Variants in WDR7 observed in about 807,000 individuals in gnomAD.
WDR7 encodes WD repeat domain 7.
In WDR7, 46 loss-of-function variants were observed where a neutral mutation model predicts 169.4. The observed-to-expected ratio is 0.27, with a 90% CI of 0.21 to 0.35. The LOEUF is 0.35. Among genes scored for constraint, WDR7 ranks in the 10% least tolerant of loss-of-function variants. The pLI is 1.00. For synonymous variants in WDR7, 612 were observed against 666.8 expected (o/e 0.92, Z 1.27); for missense variants, 1,534 against 1,859.3 (o/e 0.83, Z 3.22).
intron 26 of WDR7, among the ~76,000 whole-genome samples, chr18:57,001,215 T>C (rs565402217): frequency 1.3e-4 from 20 of 152,156 alleles, no homozygotes; most frequent in Non-Finnish European, 2.4e-4. Flanking sequence ...AATATGTATA[T>C]ATCACTTGTG....
chr18:56,849,919 A>G (rs902423730), intron 20 of WDR7, among the ~76,000 whole-genome samples: 2 of 152,112 alleles, frequency 1.3e-5, no homozygotes, highest in Non-Finnish European at 2.9e-5. Flanking sequence ...ACTTGCTACT[A>G]TTGACGACAT....
intron 13 of WDR7, among the ~76,000 whole-genome samples, chr18:56,725,281 T>A (rs2026420985): frequency 1.3e-5 from 2 of 150,802 alleles, no homozygotes; most frequent in South Asian, 4.1e-4. Flanking sequence ...AGTGTAAAAG[T>A]GTTCCTATTT....
intron 25 of WDR7, among the ~76,000 whole-genome samples, chr18:56,939,623 A>G (rs1338910599): frequency 6.6e-6 from 1 of 152,152 alleles, no homozygotes; most frequent in African/African-American, 2.4e-5. Flanking sequence ...CTTAGAAAAA[A>G]TGAGTAAGAG....
At chr18:56,678,435 G>A (rs1026751180) in intron 2 of WDR7, among the ~76,000 whole-genome samples, 10 of 152,048 alleles carry the variant, frequency 6.6e-5, no homozygotes, top group African/African-American at 2.4e-4. Flanking sequence ...TTCCAGATAT[G>A]CGAAAGGACT....
chr18:56,883,426 CTG>C (rs934874747), intron 21 of WDR7, among the ~76,000 whole-genome samples: 124 of 151,036 alleles, frequency 8.2e-4, no homozygotes, highest in African/African-American at 2.9e-3. Context: ...TTTCTTTTAA[CTG>C]TAATAATTTT....
chr18:56,968,770 G>T (rs895580641), intron 26 of WDR7, among the ~76,000 whole-genome samples: 1 of 152,020 alleles, frequency 6.6e-6, no homozygotes, highest in African/African-American at 2.4e-5. Flanking sequence ...CACATCCTTG[G>T]CATGGCTTAA....
At chr18:56,845,068 G>A (rs2045547093) in intron 20 of WDR7, among the ~76,000 whole-genome samples, 1 of 152,006 alleles carries the variant, frequency 6.6e-6, no homozygotes, top group Non-Finnish European at 1.5e-5. Context: ...ATCCACTGGG[G>A]TACTTGGAAT....
intron 26 of WDR7, among the ~76,000 whole-genome samples, chr18:57,011,854 C>T (rs1599245265): frequency 1.3e-5 from 2 of 152,118 alleles, no homozygotes; most frequent in Admixed American, 1.3e-4. Flanking sequence ...CCATTTTGGT[C>T]GATATTTTTA....
At chr18:56,934,323 G>C (rs762124820) in intron 22 of WDR7, among the ~76,000 whole-genome samples, 5 of 152,004 alleles carry the variant, frequency 3.3e-5, no homozygotes, top group Non-Finnish European at 5.9e-5. Flanking sequence ...AAAGAAACTG[G>C]CCAACTGCCC....
chr18:56,925,592 T>G (rs1483340924), intron 22 of WDR7, among the ~76,000 whole-genome samples: 1 of 152,190 alleles, frequency 6.6e-6, no homozygotes, highest in Non-Finnish European at 1.5e-5. Context: ...GTAGAGTTCT[T>G]AGCCCTTTGC....
rs148269364 is a variant in WDR7 at position 56,819,564 on chromosome 18, C to T, written c.3304+3420C>T. Among the ~76,000 whole-genome samples, 21 of 152,138 alleles carry T rather than the reference C, an allele frequency of 1.4e-4. No homozygotes were observed. The East Asian group carries it at 2.3e-3, about 17-fold the overall frequency. ...ATCATAGACATATTAGCCCTCTTGG[C>T]GGATTAATGTTGTTTTAAGTAGAAA... is the stretch of plus-strand genomic sequence containing the variant. On this transcript the variant is annotated intron_variant, in intron 20 of 27. Coordinates refer to ENST00000254442, the MANE Select transcript of WDR7 (RefSeq NM_015285.3).
At chr18:56,656,182 T>C (rs2024766821) in intron 1 of WDR7, among the ~76,000 whole-genome samples, 1 of 152,108 alleles carries the variant, frequency 6.6e-6, no homozygotes, top group Admixed American at 6.6e-5. Context: ...CCCAAAGTGT[T>C]TTCTGGAGTG....
the WDR7 span, chr18:57,034,901 G>C: frequency 6.6e-6 from 1 of 152,146 alleles, no homozygotes; most frequent in African/African-American, 2.4e-5. Flanking sequence ...CCATGGAGAA[G>C]CACAGCTCCA....
At chr18:56,941,079 A>G (rs2047030241) in intron 25 of WDR7, among the ~76,000 whole-genome samples, 2 of 152,202 alleles carry the variant, frequency 1.3e-5, no homozygotes, top group African/African-American at 4.8e-5. Context: ...TTGAACACCT[A>G]CTGTGTATCA....
chr18:56,743,877 C>T (rs970228576), intron 14 of WDR7, among the ~76,000 whole-genome samples: 13 of 151,836 alleles, frequency 8.6e-5, no homozygotes, highest in South Asian at 4.2e-4. Flanking sequence ...AGAGAGTGGG[C>T]GATTTCAAAG....
intron 13 of WDR7, among the ~76,000 whole-genome samples, chr18:56,727,720 A>G (rs2026491560): frequency 6.6e-6 from 1 of 152,216 alleles, no homozygotes; most frequent in South Asian, 2.1e-4. Context: ...GCGAAACCAT[A>G]TCAGCCTCTT....
At chr18:56,682,878 G>A in intron 5 of WDR7, 25 bp downstream of exon 5, 1 of 1,597,224 alleles carries the variant, frequency 6.3e-7, no homozygotes, top group African/African-American at 1.3e-5. Flanking sequence ...CCTGTTAGGA[G>A]CTTTAGCACC....
intron 13 of WDR7, among the ~76,000 whole-genome samples, chr18:56,719,406 C>G (rs112345673): frequency 0.033 from 4,994 of 151,894 alleles, 275 homozygotes; most frequent in African/African-American, 0.12. Context: ...ACTAAAAATA[C>G]AAAAAATTAG....
rs548053129 is a variant in WDR7, at chr18:57,026,718, A to T, written c.4270-286A>T. 2.8e-4 allele frequency among the ~76,000 whole-genome samples: 42 copies of T among 152,324 alleles called. No individual in the cohort carries two copies. The South Asian group carries it at 6.6e-3, about 24-fold the overall frequency. ...AATATCTGTGTTGTCTAAATGAACCATTTTATTAAGAGGTATAATTTAGCC... is the reference window on the plus strand; with the variant it reads ...AATATCTGTGTTGTCTAAATGAACCTTTTTATTAAGAGGTATAATTTAGCC... On this transcript the variant is annotated intron_variant, in intron 27 of 27. Coordinates refer to ENST00000254442, the MANE Select transcript of WDR7 (RefSeq NM_015285.3).
Sources: allele counts gnomAD v4.1 joint callset (sites outside exome capture counted in the v4.1 genomes callset), GRCh38; gene constraint gnomAD v4.1.1; transcripts MANE v1.5; gene names NCBI Gene and HGNC (gene_info 2026-07-23, HGNC 2026-07-21).